The following MAML2 variants were observed in gnomAD, a reference collection of about 807,000 sequenced individuals.
MAML2 encodes mastermind like transcriptional coactivator 2.
Under a neutral mutation model 96.1 loss-of-function variants are expected in MAML2, and 22 were observed. The observed-to-expected ratio is 0.23, with a 90% confidence interval of 0.16 to 0.33. The LOEUF is 0.33. MAML2 is among the 10% of genes least tolerant of loss of function. The probability of loss-of-function intolerance (pLI) is 1.00; values close to 1 mark genes in which losing one functional copy is unlikely to be tolerated. For missense variants in MAML2, 1,367 were observed against 1,392.4 expected (o/e 0.98, Z 0.29); for synonymous variants, 561 against 521.3 (o/e 1.08, Z -1.04).
intron 2 of MAML2, among the ~76,000 whole-genome samples, chr11:96,079,707 C>T (rs557005326): frequency 8.5e-5 from 13 of 152,330 alleles, no homozygotes; most frequent in African/African-American, 9.6e-5. Context: ...CCCCTTCACA[C>T]GCCCTTGGTC....
intron 1 of MAML2, among the ~76,000 whole-genome samples, chr11:96,167,620 T>C (rs2135896527): frequency 6.6e-6 from 1 of 152,352 alleles, no homozygotes; most frequent in African/African-American, 2.4e-5. Context: ...ACAAATTATT[T>C]GTAGCCATTT....
intron 1 of MAML2, among the ~76,000 whole-genome samples, chr11:96,146,017 A>G (rs1397872707): frequency 3.2e-4 from 49 of 152,226 alleles, no homozygotes; most frequent in Non-Finnish European, 1.3e-4. Flanking sequence ...TCAAAAAAAA[A>G]AATTGTATAC....
chr11:96,066,344 C>T (rs1859245855), intron 2 of MAML2, among the ~76,000 whole-genome samples: 1 of 152,162 alleles, frequency 6.6e-6, no homozygotes, highest in African/African-American at 2.4e-5. Context: ...CCATCTTTGT[C>T]CAGGGGAGGA....
At position 96,200,424 on chromosome 11, in the gene MAML2, T is replaced by G. The variant is rs557421275; in HGVS notation, c.514-106907A>C. 3.3e-5 allele frequency among the ~76,000 whole-genome samples: 5 copies of G among 152,216 alleles called. No homozygotes were observed. In the South Asian group the frequency reaches 1.0e-3, roughly 31 times the overall value. ...TCTTCTAACAAGCTATTAGTGAGACTTCATTCTTTTTCTTCTGTTTCTCTT... is the reference window on the plus strand; with the variant it reads ...TCTTCTAACAAGCTATTAGTGAGACGTCATTCTTTTTCTTCTGTTTCTCTT... On this transcript the variant is annotated intron_variant, in intron 1 of 4. Coordinates refer to ENST00000524717, the MANE Select transcript of MAML2 (RefSeq NM_032427.4).
At chr11:96,080,787 T>G (rs895155201) in intron 2 of MAML2, among the ~76,000 whole-genome samples, 8 of 152,218 alleles carry the variant, frequency 5.3e-5, no homozygotes, top group African/African-American at 1.7e-4. Context: ...AGTGCAGGCG[T>G]CATACCTGGA....
intron 1 of MAML2, among the ~76,000 whole-genome samples, chr11:96,326,546 C>G (rs892781184): frequency 1.3e-5 from 2 of 151,968 alleles, no homozygotes; most frequent in African/African-American, 4.8e-5. Context: ...CCTGTAATCC[C>G]AGCACTTTGG....
At chr11:96,183,874 C>A (rs907651208) in intron 1 of MAML2, among the ~76,000 whole-genome samples, 2 of 152,158 alleles carry the variant, frequency 1.3e-5, no homozygotes, top group Non-Finnish European at 2.9e-5. Flanking sequence ...TCCTACTGAA[C>A]TTTTTACTAA....
intron 1 of MAML2, among the ~76,000 whole-genome samples, chr11:96,123,935 T>C (rs1483248598): frequency 6.6e-6 from 1 of 151,806 alleles, no homozygotes; most frequent in Non-Finnish European, 1.5e-5. Context: ...CCGGGCATGG[T>C]GGCACGCACC....
chr11:96,032,340 G>A (rs1473130973), intron 2 of MAML2, among the ~76,000 whole-genome samples: 1 of 152,076 alleles, frequency 6.6e-6, no homozygotes, highest in Non-Finnish European at 1.5e-5. Context: ...TGTAATCTCA[G>A]CACTTTGGGA....
At chr11:96,086,791 G>T (rs1859623052) in intron 2 of MAML2, among the ~76,000 whole-genome samples, 1 of 152,092 alleles carries the variant, frequency 6.6e-6, no homozygotes, top group Admixed American at 6.6e-5. Flanking sequence ...CATGGCTCCT[G>T]GTAGGCATAT....
chr11:96,002,566 G>C (rs1858097930), intron 2 of MAML2, among the ~76,000 whole-genome samples: 1 of 150,688 alleles, frequency 6.6e-6, no homozygotes. Context: ...GAAGATGATG[G>C]GGATGATGAA....
At chr11:96,081,583 T>C (rs1256916063) in intron 2 of MAML2, among the ~76,000 whole-genome samples, 1 of 152,226 alleles carries the variant, frequency 6.6e-6, no homozygotes, top group African/African-American at 2.4e-5. Flanking sequence ...CAGAGTTAAA[T>C]GAGGGCTCAG....
chr11:95,986,574 T>C (rs933814972), intron 3 of MAML2, among the ~76,000 whole-genome samples: 8 of 152,098 alleles, frequency 5.3e-5, no homozygotes, highest in Admixed American at 2.0e-4. Flanking sequence ...GGTACCGATA[T>C]AGGCACTATA....
At chr11:96,110,135 A>C (rs530679172) in intron 1 of MAML2, among the ~76,000 whole-genome samples, 1 of 152,228 alleles carries the variant, frequency 6.6e-6, no homozygotes, top group East Asian at 1.9e-4. Flanking sequence ...CTGGCATTTG[A>C]TTGTGATTGG....
intron 2 of MAML2, among the ~76,000 whole-genome samples, chr11:96,022,104 C>A (rs1858445069): frequency 6.6e-6 from 1 of 152,204 alleles, no homozygotes; most frequent in Admixed American, 6.5e-5. Flanking sequence ...CTAGGGCTGG[C>A]TGGATCTCTA....
Position 96,017,455 on chromosome 11 carries a change from C to A in MAML2, c.2140-25732G>T, listed in dbSNP as rs112844144. Among the ~76,000 whole-genome samples, 708 of 144,636 alleles carry A rather than the reference C, an allele frequency of 4.9e-3. 8 individuals are homozygous for A. The highest frequency in any genetic ancestry group is 0.016 in the African/African-American group (656 of 39,810). 94.9% of individuals were successfully genotyped at this position (144,636 alleles called of 152,430 possible). A position where few individuals can be genotyped will look rare whatever the true frequency, so the allele number is the denominator to read the frequency against. ...CAAATACATTTGCATTCCTACTGTG[C>A]CTACAATAATAACTGGGGTTATAGT... On this transcript the variant is annotated intron_variant, in intron 2 of 4. Coordinates refer to ENST00000524717, the MANE Select transcript of MAML2 (RefSeq NM_032427.4).
intron 1 of MAML2, among the ~76,000 whole-genome samples, chr11:96,246,365 T>C (rs868794367): frequency 2.6e-5 from 4 of 152,078 alleles, no homozygotes; most frequent in Non-Finnish European, 5.9e-5. Context: ...TGCAAATCCC[T>C]GAAGTTCTGA....
At chr11:96,178,672 A>C (rs1481854551) in intron 1 of MAML2, among the ~76,000 whole-genome samples, 2 of 152,188 alleles carry the variant, frequency 1.3e-5, no homozygotes, top group African/African-American at 4.8e-5. Flanking sequence ...GATTGTGGAA[A>C]ACATAAAAAC....
rs1323512623 is a variant in MAML2, at chr11:96,085,836, C to A, written c.2139+6056G>T. On this transcript the variant is annotated intron_variant, in intron 2 of 4. Transcript: ENST00000524717. ...GTTCTTCTTGTTATTGTGTTCATTTCTTTATGGAGGGAAAGAGGAGTTAAT... is the reference window on the plus strand; with the variant it reads ...GTTCTTCTTGTTATTGTGTTCATTTATTTATGGAGGGAAAGAGGAGTTAAT... 2.0e-5 allele frequency among the ~76,000 whole-genome samples: 3 copies of A among 152,126 alleles called. No homozygotes were observed. The East Asian group carries it at 5.8e-4, about 29-fold the overall frequency.
Sources: allele counts gnomAD v4.1 joint callset (sites outside exome capture counted in the v4.1 genomes callset), GRCh38; gene constraint gnomAD v4.1.1; transcripts MANE v1.5; gene names NCBI Gene and HGNC (gene_info 2026-07-23, HGNC 2026-07-21).